The following MYMK variants were observed in gnomAD, a reference collection of about 807,000 sequenced individuals.
MYMK encodes the protein protein myomaker.
A neutral mutation model predicts 22.4 loss-of-function variants in MYMK; 16 were observed. That is an observed-to-expected ratio of 0.72 (90% CI 0.48 to 1.09). The LOEUF (loss-of-function observed/expected upper bound fraction) is 1.09. Ranked by LOEUF, MYMK falls within the 50% of genes least tolerant of loss-of-function variation. MYMK has a pLI of 0.00. For missense variants in MYMK, 250 were observed against 295.6 expected (o/e 0.85, Z 1.13); for synonymous variants, 125 against 127.0 (o/e 0.98, Z 0.11).
intron 2 of MYMK, 54 bp downstream of exon 2, chr9:133,520,120 A>C: frequency 6.9e-7 from 1 of 1,439,268 alleles, no homozygotes; most frequent in East Asian, 2.3e-5. Flanking sequence ...GTGTGCGGAC[A>C]CTGGGGAGCC....
rs1264746856 is a variant in MYMK, at chr9:133,515,889, A to G, written c.400-282T>C. Among the ~76,000 whole-genome samples the G allele has an allele frequency of 6.6e-6, 1 of 152,064 alleles. No homozygotes were observed. The highest frequency in any genetic ancestry group is 1.5e-5 in the Non-Finnish European group (1 of 68,010). ...CCCGCTGCCCTCCCGCCTCTTTGAG[A>G]TGTAACAACGCCACCCTCGCATGTC... On this transcript the variant is annotated intron_variant, in intron 3 of 4. Coordinates refer to ENST00000339996, the MANE Select transcript of MYMK (RefSeq NM_001080483.3). This position sits in a 1 kb window ranked among gnomAD's most constrained non-coding sequence, Gnocchi z 5.8.
chr9:133,516,786 A>C (rs1159058643), intron 3 of MYMK, among the ~76,000 whole-genome samples: 2 of 152,096 alleles, frequency 1.3e-5, no homozygotes, highest in Non-Finnish European at 2.9e-5. Context: ...TGCCTGCCCC[A>C]GGTCACACAG....
chr9:133,515,548 C>G lies in MYMK; in HGVS notation c.459G>C (p.Gln153His). 6.2e-7 allele frequency: 1 copy of G among 1,614,146 alleles called. No individual in the cohort carries two copies. Among genetic ancestry groups the G allele is most frequent in the Non-Finnish European group, 8.5e-7 (1 of 1,179,972 alleles). ...LYPDKSVYTQ[Q>H]IGPGLCFGAL... ...CCCCGAAGCAGAGGCCGGGGCCTAT[C>G]TGCTGGGTGTAGACGCTCTTGTCTG... The change falls in exon 4 of 5, where the codon CAG becomes CAC. Residue 153 changes from glutamine (Q) to histidine (H), a missense_variant. By Grantham distance (24) the Gln-to-His change is conservative (BLOSUM62 0). Coordinates refer to ENST00000339996, the MANE Select transcript of MYMK (RefSeq NM_001080483.3). This position sits in a 1 kb window ranked among gnomAD's most constrained non-coding sequence, Gnocchi z 5.8.
chr9:133,520,121 C>CT (rs1029008866), intron 2 of MYMK, 53 bp downstream of exon 2: 1 of 1,451,288 alleles, frequency 6.9e-7, no homozygotes, highest in Non-Finnish European at 9.7e-7. Flanking sequence ...TGTGCGGACA[C>CT]TGGGGAGCCG....
chr9:133,517,406 C>T (rs1038182799), intron 3 of MYMK, among the ~76,000 whole-genome samples: 2 of 152,172 alleles, frequency 1.3e-5, no homozygotes, highest in African/African-American at 4.8e-5. Flanking sequence ...TGGCTCATGC[C>T]TGTAATTCCA....
intron 1 of MYMK, among the ~76,000 whole-genome samples, chr9:133,522,013 G>A (rs1224913413): frequency 1.3e-5 from 2 of 152,230 alleles, no homozygotes; most frequent in Non-Finnish European, 2.9e-5. Flanking sequence ...GGGGACGCCA[G>A]GCTCTGAGAA....
At chr9:133,521,860 T>C (rs995163099) in intron 1 of MYMK, among the ~76,000 whole-genome samples, 1 of 152,152 alleles carries the variant, frequency 6.6e-6, no homozygotes, top group Non-Finnish European at 1.5e-5. Flanking sequence ...GTAGCACAGA[T>C]GGTCATGTGT....
At chr9:133,517,665 T>TTTC (rs1844647342) in intron 3 of MYMK, among the ~76,000 whole-genome samples, 1 of 74,906 alleles carries the variant, frequency 1.3e-5, no homozygotes, top group Non-Finnish European at 2.6e-5. Context: ...AAACTCCGTC[T>TTTC]CAAAAAAAAA....
intron 1 of MYMK, among the ~76,000 whole-genome samples, 167 bp from the exon 2 acceptor site, chr9:133,520,455 G>A (rs543966479): frequency 5.3e-5 from 8 of 152,340 alleles, no homozygotes; most frequent in South Asian, 2.1e-4. Flanking sequence ...GGGTACTGCC[G>A]AGCACTCCCG....
At chr9:133,517,725 G>A (rs1844649208) in intron 3 of MYMK, among the ~76,000 whole-genome samples, 1 of 151,572 alleles carries the variant, frequency 6.6e-6, no homozygotes, top group Admixed American at 6.6e-5. Flanking sequence ...ATGACGTCCT[G>A]TTAAGTTGCT....
At chr9:133,517,581 G>A (rs1031584582) in intron 3 of MYMK, among the ~76,000 whole-genome samples, 13 of 151,440 alleles carry the variant, frequency 8.6e-5, no homozygotes, top group South Asian at 2.1e-4. Context: ...CAGGAGAATC[G>A]CTTCAACCCG....
At chr9:133,517,944 C>T (rs1401514129) in intron 3 of MYMK, among the ~76,000 whole-genome samples, 1 of 152,226 alleles carries the variant, frequency 6.6e-6, no homozygotes, top group Non-Finnish European at 1.5e-5. Context: ...TGTGGCTGGG[C>T]TGGACCAGGC....
chr9:133,518,766 G>C, intron 3 of MYMK, 108 bp downstream of exon 3: 1 of 1,412,420 alleles, frequency 7.1e-7, no homozygotes, highest in South Asian at 1.4e-5. Flanking sequence ...CCACCCATTT[G>C]CCTATGAGGG....
intron 1 of MYMK, among the ~76,000 whole-genome samples, chr9:133,521,905 C>T (rs1349562711): frequency 6.6e-6 from 1 of 152,252 alleles, no homozygotes; most frequent in Non-Finnish European, 1.5e-5. Context: ...GTGATAAGGC[C>T]TGTGCCCTTG....
At chr9:133,518,282 C>T (rs551424997) in intron 3 of MYMK, among the ~76,000 whole-genome samples, 1 of 152,186 alleles carries the variant, frequency 6.6e-6, no homozygotes, top group Non-Finnish European at 1.5e-5. Context: ...CACGTGAGGG[C>T]CTTGCTGCTC....
intron 3 of MYMK, among the ~76,000 whole-genome samples, chr9:133,517,003 G>T (rs1844638413): frequency 1.3e-5 from 2 of 152,170 alleles, no homozygotes; most frequent in African/African-American, 4.8e-5. Context: ...CAGATGCGGG[G>T]AGGCGGGCAG....
At chr9:133,521,619 C>T (rs1844703939) in intron 1 of MYMK, among the ~76,000 whole-genome samples, 1 of 152,162 alleles carries the variant, frequency 6.6e-6, no homozygotes, top group Admixed American at 6.6e-5. Context: ...GTGTGGTGCA[C>T]CTTTCTTGAA....
At chr9:133,520,402 C>T in intron 1 of MYMK, 114 bp from the exon 2 acceptor site, 2 of 750,212 alleles carry the variant, frequency 2.7e-6, no homozygotes, top group Non-Finnish European at 4.6e-6. Flanking sequence ...TTTGGCGAGT[C>T]ACTTAATGAC....
Position 133,518,817 on chromosome 9 carries a change from G to A in MYMK, c.399+57C>T, listed in dbSNP as rs984758972. On this transcript the variant is annotated intron_variant, in intron 3 of 4. Transcript: ENST00000339996. Reference sequence around the variant, plus strand: ...GATCCGAGGCAGGAGGAGTCAGACAGGGGAGAGGTGACGGGCCTCCTGGGT... The same window carrying A: ...GATCCGAGGCAGGAGGAGTCAGACAAGGGAGAGGTGACGGGCCTCCTGGGT... 2.5e-5 allele frequency: 39 copies of A among 1,576,368 alleles called. No individual in the cohort carries two copies. The African/African-American group carries it at 4.6e-4, about 18-fold the overall frequency.
Sources: gnomAD v4.1 joint callset for allele counts (sites outside exome capture counted in the v4.1 genomes callset) on GRCh38, gnomAD v4.1.1 for gene constraint, Gnocchi (gnomAD v3.1) non-coding constraint, MANE v1.5 for transcripts, NCBI Gene and HGNC (gene_info 2026-07-23, HGNC 2026-07-21) for gene names.